Variants in IQCM observed in about 807,000 individuals in gnomAD.
The protein encoded by IQCM is IQ motif containing M, also known as IQ domain-containing protein M.
Under a neutral mutation model 57.6 loss-of-function variants are expected in IQCM, and 45 were observed. That is an observed-to-expected ratio of 0.78 (90% CI 0.62 to 1.00). The LOEUF (loss-of-function observed/expected upper bound fraction) is 1.00, where lower values mean the gene tolerates loss of function less well. Ranked by LOEUF, IQCM falls within the 50% of genes least tolerant of loss-of-function variation. The pLI, the probability that IQCM is intolerant of heterozygous loss-of-function variation, is 0.00. For missense variants in IQCM, 468 were observed against 511.6 expected, an observed-to-expected ratio of 0.91 and a Z score of 0.82; for synonymous variants, 148 against 158.9, an observed-to-expected ratio of 0.93 and a Z score of 0.51.
chr4:149,682,224 A>T lies in IQCM; in HGVS notation c.477-18T>A. On this transcript the variant is annotated intron_variant, in intron 6 of 13. Transcript: ENST00000636793. ...TTCTGTTTCTGAAACATTAAGTTGG[A>T]TCTTTAAGTAATTTGATAGTCCCTA... The T allele has an allele frequency of 9.2e-7, 1 of 1,083,762 alleles. No individual in the cohort carries two copies. The highest frequency in any genetic ancestry group is 1.2e-6 in the Non-Finnish European group (1 of 853,452). The allele number at this position is 1,083,762 out of a possible 1,614,324, so 67.1% of individuals were successfully genotyped here. A position where few individuals can be genotyped will look rare whatever the true frequency, so the allele number is the denominator to read the frequency against.
At chr4:149,367,484 T>C (rs957072400) in intron 13 of IQCM, among the ~76,000 whole-genome samples, 4 of 151,980 alleles carry the variant, frequency 2.6e-5, no homozygotes, top group African/African-American at 9.7e-5. Context: ...TTGAAATCTA[T>C]CCAAGCCAAC....
chr4:149,548,350 G>A (rs1748664627), intron 12 of IQCM, 105 bp downstream of exon 12: 2 of 931,404 alleles, frequency 2.1e-6, no homozygotes, highest in Admixed American at 4.3e-5. Flanking sequence ...AAAAGTAAGG[G>A]AAGGAATGAA....
intron 2 of IQCM, among the ~76,000 whole-genome samples, chr4:149,783,846 C>T (rs1771836689): frequency 6.6e-6 from 1 of 152,136 alleles, no homozygotes; most frequent in African/African-American, 2.4e-5. Flanking sequence ...GGACCTGAGG[C>T]AGCCTCCAGT....
intron 12 of IQCM, among the ~76,000 whole-genome samples, chr4:149,472,746 A>T (rs1427059956): frequency 1.3e-5 from 2 of 152,180 alleles, no homozygotes; most frequent in African/African-American, 4.8e-5. Context: ...AGTAACCAAA[A>T]CAGCATGGTA....
intron 12 of IQCM, among the ~76,000 whole-genome samples, chr4:149,442,947 CACACACAGAG>C (rs1345281457): frequency 9.5e-5 from 5 of 52,576 alleles, no homozygotes; most frequent in African/African-American, 4.1e-4. Flanking sequence ...CACACACACA[CACACACAGAG>C]AGAGAGAGAG....
At chr4:149,540,795 G>T (rs900628453) in intron 12 of IQCM, among the ~76,000 whole-genome samples, 2 of 152,140 alleles carry the variant, frequency 1.3e-5, no homozygotes, top group Admixed American at 1.3e-4. Flanking sequence ...CCCTAGTCAG[G>T]AGCCTCACGC....
intron 11 of IQCM, among the ~76,000 whole-genome samples, chr4:149,551,420 T>C (rs1749017148): frequency 6.6e-6 from 1 of 152,098 alleles, no homozygotes; most frequent in Admixed American, 6.6e-5. Context: ...AAATCTGCAT[T>C]ACAAATTGAG....
At chr4:149,698,085 T>C (rs1763472538) in intron 5 of IQCM, among the ~76,000 whole-genome samples, 1 of 152,036 alleles carries the variant, frequency 6.6e-6, no homozygotes, top group African/African-American at 2.4e-5. Context: ...ACGGGTTGTC[T>C]GAATACTTTG....
intron 13 of IQCM, among the ~76,000 whole-genome samples, chr4:149,385,999 G>C (rs936368246): frequency 6.6e-6 from 1 of 151,982 alleles, no homozygotes; most frequent in Non-Finnish European, 1.5e-5. Flanking sequence ...TAGTGATCTA[G>C]TCAGCTCTTT....
At chr4:149,708,266 TCTC>T (rs1764304211) in intron 5 of IQCM, among the ~76,000 whole-genome samples, 1 of 152,010 alleles carries the variant, frequency 6.6e-6, no homozygotes, top group Non-Finnish European at 1.5e-5. Flanking sequence ...TAAAATATAT[TCTC>T]CTAGTGGAAA....
At chr4:149,525,984 A>G (rs1746122985) in intron 12 of IQCM, among the ~76,000 whole-genome samples, 2 of 151,964 alleles carry the variant, frequency 1.3e-5, no homozygotes, top group Non-Finnish European at 2.9e-5. Context: ...GCAACTATAT[A>G]TCACAGAAAT....
At position 149,661,736 on chromosome 4, in the gene IQCM, G is replaced by T. The variant is rs118020710; in HGVS notation, c.565+20382C>A. Among the ~76,000 whole-genome samples the T allele has an allele frequency of 2.0e-4, 31 of 152,046 alleles. No homozygotes were observed. The East Asian group carries it at 5.4e-3, about 27-fold the overall frequency. On this transcript the variant is annotated intron_variant, in intron 7 of 13. Transcript: ENST00000636793. ...TCTTCTATATTATCAAATTTGTTGAGGTATAGTTGTTCACAGTAGTCTCTT... is the reference window on the plus strand; with the variant it reads ...TCTTCTATATTATCAAATTTGTTGATGTATAGTTGTTCACAGTAGTCTCTT...
chr4:149,681,364 T>C (rs2150202566), intron 7 of IQCM, among the ~76,000 whole-genome samples: 1 of 151,372 alleles, frequency 6.6e-6, no homozygotes, highest in Non-Finnish European at 1.5e-5. Context: ...ATCTATTGCA[T>C]ATCTTCAACA....
intron 12 of IQCM, among the ~76,000 whole-genome samples, chr4:149,499,534 A>G (rs978434881): frequency 6.6e-6 from 1 of 152,176 alleles, no homozygotes. Flanking sequence ...TTTAAAATCT[A>G]GCTGATTTCC....
chr4:149,609,734 C>T (rs1011719781), intron 8 of IQCM, among the ~76,000 whole-genome samples: 7 of 151,800 alleles, frequency 4.6e-5, no homozygotes, highest in South Asian at 4.2e-4. Context: ...GGGAACATAC[C>T]TCAACATAAC....
intron 5 of IQCM, among the ~76,000 whole-genome samples, chr4:149,692,685 A>G (rs1763028815): frequency 6.6e-6 from 1 of 152,156 alleles, no homozygotes; most frequent in Admixed American, 6.5e-5. Flanking sequence ...ACATATGAAA[A>G]TCTAACATTG....
At chr4:149,413,473 G>A (rs760797543) in intron 13 of IQCM, among the ~76,000 whole-genome samples, 4 of 152,088 alleles carry the variant, frequency 2.6e-5, no homozygotes, top group Non-Finnish European at 4.4e-5. Flanking sequence ...GCCATCTGCC[G>A]TGGCTGCTCA....
At chr4:149,486,628 C>T (rs1302527828) in intron 12 of IQCM, among the ~76,000 whole-genome samples, 2 of 152,154 alleles carry the variant, frequency 1.3e-5, no homozygotes, top group Non-Finnish European at 2.9e-5. Flanking sequence ...CACCTGTAAT[C>T]CCAGCTACTC....
At chr4:149,585,005 AGTG>A (rs1752525891) in intron 9 of IQCM, among the ~76,000 whole-genome samples, 1 of 151,726 alleles carries the variant, frequency 6.6e-6, no homozygotes, top group African/African-American at 2.4e-5. Flanking sequence ...AATACTGCTG[AGTG>A]GGTACATAAA....
Sources: allele counts gnomAD v4.1 joint callset (sites outside exome capture counted in the v4.1 genomes callset), GRCh38; gene constraint gnomAD v4.1.1; transcripts MANE v1.5; gene names NCBI Gene and HGNC (gene_info 2026-07-23, HGNC 2026-07-21).